Variants in MOBP observed in about 807,000 individuals in gnomAD.
MOBP encodes myelin associated oligodendrocyte basic protein, also known as myelin-associated oligodendrocyte basic protein.
MOBP carries 5 observed loss-of-function variants against 15.0 expected under a neutral mutation model. The ratio of observed to expected loss-of-function variants is 0.33; its 90% CI spans 0.17 to 0.70. The LOEUF (loss-of-function observed/expected upper bound fraction) is 0.70. Among genes scored for constraint, MOBP ranks in the 30% least tolerant of loss-of-function variants. The pLI, the probability that MOBP is intolerant of heterozygous loss-of-function variation, is 0.67. For missense variants in MOBP, 188 were observed against 257.8 expected (o/e 0.73, Z 1.85); for synonymous variants, 88 against 99.0 (o/e 0.89, Z 0.66).
intron 1 of MOBP, among the ~76,000 whole-genome samples, chr3:39,470,371 G>A (rs1708089): frequency 2.6e-5 from 4 of 152,000 alleles, no homozygotes; most frequent in Admixed American, 2.0e-4. Context: ...CCAGACATTC[G>A]TAAAACAAGT....
exon 5 of MOBP, chr3:39,513,604 G>A (rs1166570604): frequency 3.1e-6 from 2 of 637,912 alleles, no homozygotes; most frequent in East Asian, 5.5e-5. Flanking sequence ...AGCCTGCCTG[G>A]AGGTGAGCAG....
At chr3:39,490,226 CT>C (rs577148020) in intron 2 of MOBP, among the ~76,000 whole-genome samples, 245 of 152,304 alleles carry the variant, frequency 1.6e-3, no homozygotes, top group African/African-American at 5.6e-3. Context: ...TATCCTCCCC[CT>C]GTCCTCATCA....
intron 1 of MOBP, among the ~76,000 whole-genome samples, chr3:39,469,476 T>A (rs1426292255): frequency 6.6e-6 from 1 of 151,944 alleles, no homozygotes; most frequent in African/African-American, 2.4e-5. Flanking sequence ...ATACTGTTTT[T>A]AAATCTAGAG....
At chr3:39,469,790 T>G (rs2042442390) in intron 1 of MOBP, among the ~76,000 whole-genome samples, 1 of 152,224 alleles carries the variant, frequency 6.6e-6, no homozygotes, top group Non-Finnish European at 1.5e-5. Context: ...TACCTAATAG[T>G]TACTAGGATT....
chr3:39,472,130 T>A (rs919508007), intron 1 of MOBP, among the ~76,000 whole-genome samples: 3 of 152,238 alleles, frequency 2.0e-5, no homozygotes, highest in Non-Finnish European at 2.9e-5. Context: ...GGCAGTTTTA[T>A]CATTGTGGAG....
chr3:39,480,785 G>A (rs621842), intron 2 of MOBP, among the ~76,000 whole-genome samples: 41,730 of 152,142 alleles, frequency 0.27, 7,304 homozygotes, highest in African/African-American at 0.49. Context: ...TGAATGAAGT[G>A]TTCACCACTC....
intron 2 of MOBP, chr3:39,500,018 G>T (rs1559423317): frequency 2.2e-6 from 1 of 455,970 alleles, no homozygotes; most frequent in Non-Finnish European, 4.4e-6. Context: ...AGAGCATGCT[G>T]GCCTTGTATG....
chr3:39,498,740 T>G (rs2042923625), intron 2 of MOBP, among the ~76,000 whole-genome samples: 2 of 152,184 alleles, frequency 1.3e-5, no homozygotes, highest in African/African-American at 4.8e-5. Flanking sequence ...GGACCATGCA[T>G]CGATGGATAA....
chr3:39,502,606 C>T lies in MOBP; in HGVS notation c.278C>T (p.Ala93Val), dbSNP rs756409229. ...QPAAPPAVVR[A>V]PAKPRSPPRS... ...GCTGCGCCCCCCGCGGTGGTCAGAGCGCCAGCCAAGCCACGGTCCCCTCCG... is the reference window on the plus strand; with the variant it reads ...GCTGCGCCCCCCGCGGTGGTCAGAGTGCCAGCCAAGCCACGGTCCCCTCCG... The change falls in exon 4 of 4, where the codon GCG (alanine) becomes GTG (valine). Residue 93 changes from alanine (A) to valine (V), a missense_variant. Physicochemically the swap from Ala to Val is moderately conservative, Grantham distance 64 (BLOSUM62 0). Transcript: ENST00000684792. The surrounding 1 kb of genome is among the most constrained non-coding windows in gnomAD (Gnocchi z 6.3). 6.4e-7 allele frequency: 1 copy of T among 1,562,914 alleles called. No homozygotes were observed. The highest frequency in any genetic ancestry group is 2.4e-5 in the East Asian group (1 of 42,352).
intron 1 of MOBP, among the ~76,000 whole-genome samples, chr3:39,478,788 AC>A (rs1263054210): frequency 4.0e-5 from 6 of 151,838 alleles, no homozygotes; most frequent in Non-Finnish European, 8.8e-5. Context: ...TAAATTCAAT[AC>A]TTGCTTCTAT....
At chr3:39,498,387 A>C (rs551130421) in intron 2 of MOBP, among the ~76,000 whole-genome samples, 10 of 151,956 alleles carry the variant, frequency 6.6e-5, no homozygotes, top group Non-Finnish European at 1.2e-4. Context: ...GTCTTGCTCT[A>C]TCTCTCAGGC....
At position 39,469,177 on chromosome 3, in the gene MOBP, CAT is replaced by C. The variant is rs1491258599; in HGVS notation, c.-89+1438_-89+1439del. Among the ~76,000 whole-genome samples the C allele has an allele frequency of 9.0e-4, 69 of 76,818 alleles. 13 individuals are homozygous for C. The highest frequency in any genetic ancestry group is 6.4e-3 in the South Asian group (16 of 2,512). 50.4% of individuals were successfully genotyped at this position (76,818 alleles called of 152,430 possible). The stretch of plus-strand genomic sequence containing the variant: ...ATATGTGTGTGTGTATACATATATA[CAT>C]GTGTGTGTGTGTATATACATATATA... On this transcript the variant is annotated intron_variant, in intron 1 of 3. Transcript: ENST00000684792.
intron 1 of MOBP, among the ~76,000 whole-genome samples, chr3:39,475,263 G>A (rs569497112): frequency 5.3e-4 from 81 of 152,278 alleles, no homozygotes; most frequent in African/African-American, 1.9e-3. Context: ...TCATATCAGA[G>A]AATAAACGAG....
At chr3:39,488,632 T>C (rs1321118265) in intron 2 of MOBP, among the ~76,000 whole-genome samples, 6 of 152,248 alleles carry the variant, frequency 3.9e-5, no homozygotes, top group Non-Finnish European at 8.8e-5. Flanking sequence ...ATTTGTTGAA[T>C]ACATAAATGT....
chr3:39,493,758 G>T (rs1054770186), intron 2 of MOBP, among the ~76,000 whole-genome samples: 5 of 152,142 alleles, frequency 3.3e-5, no homozygotes, highest in African/African-American at 1.2e-4. Context: ...TTGGGGGAAG[G>T]GAAGGATCTG....
At position 39,478,563 on chromosome 3, in the gene MOBP, C is replaced by T. The variant is rs570382213; in HGVS notation, c.-88-1477C>T. Among the ~76,000 whole-genome samples the T allele has an allele frequency of 4.6e-5, 7 of 152,264 alleles. No homozygotes were observed. The South Asian group carries it at 1.0e-3, about 23-fold the overall frequency. On this transcript the variant is annotated intron_variant, in intron 1 of 3. Coordinates refer to ENST00000684792, the MANE Select transcript of MOBP (RefSeq NM_001393704.1). Reference sequence around the variant, plus strand: ...TTCCCACGGCCTTAGCATCCCCTAACTCCTACCTCTGTTTCTTTCTGTCTC... The same window carrying T: ...TTCCCACGGCCTTAGCATCCCCTAATTCCTACCTCTGTTTCTTTCTGTCTC...
intron 2 of MOBP, among the ~76,000 whole-genome samples, chr3:39,497,312 C>G (rs1405183041): frequency 2.0e-5 from 3 of 152,214 alleles, no homozygotes; most frequent in Non-Finnish European, 2.9e-5. Context: ...AGTCTCCAAA[C>G]TCCATTCTCT....
intron 1 of MOBP, among the ~76,000 whole-genome samples, chr3:39,476,594 C>T (rs2042548703): frequency 6.6e-6 from 1 of 152,128 alleles, no homozygotes; most frequent in Admixed American, 6.6e-5. Context: ...GGATTATCTA[C>T]ACTATTTTTC....
chr3:39,496,768 A>T (rs2042892053), intron 2 of MOBP, among the ~76,000 whole-genome samples: 1 of 151,838 alleles, frequency 6.6e-6, no homozygotes, highest in Non-Finnish European at 1.5e-5. Context: ...GGTTCAAGCG[A>T]TTCTCCTGCC....
Sources: gnomAD v4.1 joint callset for allele counts (sites outside exome capture counted in the v4.1 genomes callset) on GRCh38, gnomAD v4.1.1 for gene constraint, Gnocchi (gnomAD v3.1) non-coding constraint, MANE v1.5 for transcripts, NCBI Gene and HGNC (gene_info 2026-07-23, HGNC 2026-07-21) for gene names.